Variants in LRMDA observed in about 807,000 individuals in gnomAD.
LRMDA encodes the protein leucine rich melanocyte differentiation associated, also known as leucine-rich melanocyte differentiation-associated protein.
Under a neutral mutation model 29.8 loss-of-function variants are expected in LRMDA, and 18 were observed. That is an observed-to-expected ratio of 0.60 (90% CI 0.42 to 0.90). The LOEUF (loss-of-function observed/expected upper bound fraction) is 0.90. Ranked by LOEUF, LRMDA falls within the 40% of genes least tolerant of loss-of-function variation. LRMDA has a pLI of 0.00. For missense variants in LRMDA, 273 were observed against 273.9 expected (o/e 1.00, Z 0.02); for synonymous variants, 125 against 109.4 (o/e 1.14, Z -0.89).
chr10:76,246,049 A>G (rs1242626794), intron 5 of LRMDA, among the ~76,000 whole-genome samples: 2 of 152,330 alleles, frequency 1.3e-5, no homozygotes, highest in East Asian at 1.9e-4. Context: ...TCCCATGTCC[A>G]TATTTCATTG....
intron 5 of LRMDA, among the ~76,000 whole-genome samples, chr10:76,249,197 G>A (rs561267157): frequency 1.3e-5 from 2 of 152,162 alleles, no homozygotes; most frequent in Admixed American, 6.5e-5. Flanking sequence ...CATTTTTATG[G>A]GCAGCTTGCT....
At chr10:75,829,946 A>C (rs1844311702) in intron 2 of LRMDA, among the ~76,000 whole-genome samples, 1 of 148,586 alleles carries the variant, frequency 6.7e-6, no homozygotes, top group African/African-American at 2.5e-5. Context: ...CTTTAAAAGC[A>C]TCTGTTCATC....
intron 2 of LRMDA, among the ~76,000 whole-genome samples, chr10:75,708,233 G>A (rs943988352): frequency 6.6e-6 from 1 of 152,272 alleles, no homozygotes; most frequent in Non-Finnish European, 1.5e-5. Flanking sequence ...GCTCCACCAC[G>A]CAGGATGAAT....
chr10:76,141,685 G>A (rs1850203903), intron 5 of LRMDA, among the ~76,000 whole-genome samples: 1 of 152,058 alleles, frequency 6.6e-6, no homozygotes. Flanking sequence ...CTAGATTGGG[G>A]ATTATAGTCT....
Position 75,755,781 on chromosome 10 carries a change from TG to T in LRMDA, c.132-280223del, listed in dbSNP as rs548604527. On this transcript the variant is annotated intron_variant, in intron 2 of 6. Coordinates refer to ENST00000611255, the MANE Select transcript of LRMDA (RefSeq NM_001305581.2). Reference sequence around the variant, plus strand: ...ATCAAAAGCTAGCCAGGCTGTGCAGTGGGGAGCAGGCAGCTGTGGTGTGCAA... The same window carrying T: ...ATCAAAAGCTAGCCAGGCTGTGCAGTGGGAGCAGGCAGCTGTGGTGTGCAA... 4.2e-3 allele frequency among the ~76,000 whole-genome samples: 636 copies of T among 152,198 alleles called. 7 individuals carry two copies. The highest frequency in any genetic ancestry group is 0.014 in the African/African-American group (598 of 41,532).
chr10:75,756,068 G>T (rs1843028574), intron 2 of LRMDA, among the ~76,000 whole-genome samples: 1 of 152,160 alleles, frequency 6.6e-6, no homozygotes, highest in South Asian at 2.1e-4. Flanking sequence ...AGAACTTTTT[G>T]GTTAGGGAGA....
intron 6 of LRMDA, among the ~76,000 whole-genome samples, chr10:76,409,070 C>G (rs1020494232): frequency 2.0e-4 from 31 of 152,172 alleles, no homozygotes; most frequent in Admixed American, 2.6e-4. Context: ...GTTCAGTCTA[C>G]TTTCTTTCAG....
At chr10:75,680,767 T>C (rs1447184836) in intron 2 of LRMDA, among the ~76,000 whole-genome samples, 1 of 152,116 alleles carries the variant, frequency 6.6e-6, no homozygotes, top group Non-Finnish European at 1.5e-5. Context: ...CCCAGCACTT[T>C]GAGAGGCCAA....
At chr10:76,247,657 G>A (rs1318379572) in intron 5 of LRMDA, among the ~76,000 whole-genome samples, 4 of 152,138 alleles carry the variant, frequency 2.6e-5, no homozygotes, top group Non-Finnish European at 5.9e-5. Context: ...CCAGCAAGGT[G>A]TCTGTAATAT....
At chr10:76,236,831 C>T (rs1852161709) in intron 5 of LRMDA, among the ~76,000 whole-genome samples, 1 of 152,184 alleles carries the variant, frequency 6.6e-6, no homozygotes. Flanking sequence ...TATTGAAATA[C>T]TGTTATCAAA....
chr10:75,996,913 T>C (rs1847476575), intron 2 of LRMDA, among the ~76,000 whole-genome samples: 1 of 152,050 alleles, frequency 6.6e-6, no homozygotes. Context: ...TTTGTACTTT[T>C]AGTAGAGACG....
intron 5 of LRMDA, among the ~76,000 whole-genome samples, chr10:76,185,606 C>T (rs1851133761): frequency 6.6e-6 from 1 of 152,180 alleles, no homozygotes; most frequent in Non-Finnish European, 1.5e-5. Context: ...GAATCCCTGT[C>T]TATTCTTAGC....
chr10:75,940,276 C>T (rs570384594), intron 2 of LRMDA, among the ~76,000 whole-genome samples: 1 of 152,168 alleles, frequency 6.6e-6, no homozygotes, highest in Non-Finnish European at 1.5e-5. Context: ...GTGGGAAGGG[C>T]GTGTTGATAA....
chr10:76,118,952 A>T (rs1564657556), intron 5 of LRMDA, among the ~76,000 whole-genome samples: 3 of 142,112 alleles, frequency 2.1e-5, no homozygotes. Context: ...CTCTTTTAGC[A>T]TTTTTTCAAA....
intron 2 of LRMDA, among the ~76,000 whole-genome samples, chr10:75,806,190 G>A (rs900114006): frequency 3.9e-5 from 6 of 152,210 alleles, no homozygotes; most frequent in Admixed American, 2.0e-4. Context: ...AGGGATCCAC[G>A]CCTATGACCC....
intron 2 of LRMDA, among the ~76,000 whole-genome samples, chr10:75,738,605 C>G (rs1438995436): frequency 6.6e-6 from 1 of 152,116 alleles, no homozygotes; most frequent in Non-Finnish European, 1.5e-5. Context: ...GTGGCTGATT[C>G]CTCTGTGCCC....
chr10:75,921,836 C>T (rs1846028951), intron 2 of LRMDA, among the ~76,000 whole-genome samples: 2 of 151,870 alleles, frequency 1.3e-5, no homozygotes, highest in African/African-American at 2.4e-5. Context: ...TTACATATCC[C>T]CTTCCTCCTT....
At chr10:76,060,888 C>G (rs1019169667) in intron 5 of LRMDA, among the ~76,000 whole-genome samples, 1 of 152,144 alleles carries the variant, frequency 6.6e-6, no homozygotes, top group African/African-American at 2.4e-5. Context: ...ACTCCAATAT[C>G]CTTACTAACT....
chr10:76,505,473 T>A (rs994617447), intron 6 of LRMDA, among the ~76,000 whole-genome samples: 16 of 152,202 alleles, frequency 1.1e-4, no homozygotes, highest in Middle Eastern at 3.4e-3. Flanking sequence ...AATTATTTTT[T>A]AAAAAATTTT....
Sources: gnomAD v4.1 joint callset for allele counts (sites outside exome capture counted in the v4.1 genomes callset) on GRCh38, gnomAD v4.1.1 for gene constraint, MANE v1.5 for transcripts, NCBI Gene and HGNC (gene_info 2026-07-23, HGNC 2026-07-21) for gene names.